The following GRID2 variants were observed in gnomAD, a reference collection of about 807,000 sequenced individuals.
The protein encoded by GRID2 is glutamate receptor ionotropic, delta-2.
A neutral mutation model predicts 114.8 loss-of-function variants in GRID2; 33 were observed. That is an observed-to-expected ratio of 0.29 (90% confidence interval 0.22 to 0.38). GRID2 has a LOEUF of 0.38. Among genes scored for constraint, GRID2 ranks in the 10% least tolerant of loss-of-function variants. The probability of loss-of-function intolerance (pLI) is 1.00; values close to 1 mark genes in which losing one functional copy is unlikely to be tolerated. For missense variants in GRID2, 1,184 were observed against 1,257.7 expected (o/e 0.94, Z 0.89); for synonymous variants, 505 against 449.9 (o/e 1.12, Z -1.55).
chr4:92,697,790 GAGAC>G (rs937487150), intron 2 of GRID2, among the ~76,000 whole-genome samples: 3 of 152,132 alleles, frequency 2.0e-5, no homozygotes, highest in Admixed American at 2.0e-4. Flanking sequence ...AGAGAAGTCA[GAGAC>G]AGGTTGGGTT....
chr4:93,018,618 C>A (rs1466190888), intron 2 of GRID2, among the ~76,000 whole-genome samples: 3 of 151,984 alleles, frequency 2.0e-5, no homozygotes, highest in African/African-American at 7.3e-5. Context: ...CAGGTCTTCA[C>A]AAAGAATACT....
intron 1 of GRID2, among the ~76,000 whole-genome samples, chr4:92,470,630 G>T (rs1579421563): frequency 6.6e-6 from 1 of 151,926 alleles, no homozygotes; most frequent in East Asian, 1.9e-4. Flanking sequence ...AATAAATAAA[G>T]TATTGCCTCA....
rs1302633363 is a variant in GRID2 at position 92,645,903 on chromosome 4, A to G, written c.244+55617A>G. The stretch of plus-strand genomic sequence containing the variant: ...GATTTTTTATTTTGGGCTCTTATGA[A>G]TAAGCTGCCGCAAATATCTTTAGAG... On this transcript the variant is annotated intron_variant, in intron 2 of 15. Coordinates refer to ENST00000282020, the MANE Select transcript of GRID2 (RefSeq NM_001510.4). 3.3e-5 allele frequency among the ~76,000 whole-genome samples: 5 copies of G among 151,792 alleles called. No individual in the cohort carries two copies. The East Asian group carries it at 9.7e-4, about 29-fold the overall frequency.
At chr4:92,700,131 G>A (rs988658845) in intron 2 of GRID2, among the ~76,000 whole-genome samples, 3 of 152,100 alleles carry the variant, frequency 2.0e-5, no homozygotes, top group Admixed American at 6.6e-5. Context: ...TCCACAAATC[G>A]AAACTCAGCT....
At chr4:92,710,151 T>G (rs1191037048) in intron 2 of GRID2, among the ~76,000 whole-genome samples, 2 of 152,204 alleles carry the variant, frequency 1.3e-5, no homozygotes, top group African/African-American at 4.8e-5. Context: ...GTTCTTTTCT[T>G]GATGCCATAC....
Position 92,740,741 on chromosome 4 carries a change from T to TAGAC in GRID2, c.244+150455_244+150456insAGAC, listed in dbSNP as rs1274693364. ...ATAGATAGATAGATAGATAGATAGA[T>TAGAC]GGATAGATAGATAGACAGATAGATA... On this transcript the variant is annotated intron_variant, in intron 2 of 15. Transcript: ENST00000282020. 3.3e-3 allele frequency among the ~76,000 whole-genome samples: 477 copies of TAGAC among 145,176 alleles called. 3 individuals carry two copies. Among genetic ancestry groups the TAGAC allele is most frequent in the Non-Finnish European group, 5.7e-3 (384 of 66,866 alleles).
chr4:93,591,820 C>G (rs1406824899), intron 13 of GRID2, among the ~76,000 whole-genome samples: 1 of 152,132 alleles, frequency 6.6e-6, no homozygotes. Flanking sequence ...TCCATTTCTT[C>G]TAGATTTTTT....
chr4:93,009,606 T>C (rs754554032), intron 2 of GRID2, among the ~76,000 whole-genome samples: 6 of 152,110 alleles, frequency 3.9e-5, no homozygotes, highest in Non-Finnish European at 8.8e-5. Flanking sequence ...TATTCTAACA[T>C]ATGTAGTTGA....
intron 1 of GRID2, among the ~76,000 whole-genome samples, chr4:92,466,122 A>G (rs549353919): frequency 2.0e-5 from 3 of 151,864 alleles, no homozygotes; most frequent in Non-Finnish European, 4.4e-5. Context: ...ATTACACTAT[A>G]TATAATGGAC....
intron 1 of GRID2, among the ~76,000 whole-genome samples, chr4:92,341,641 C>T (rs1280738115): frequency 2.0e-5 from 3 of 152,008 alleles, no homozygotes; most frequent in Non-Finnish European, 4.4e-5. Context: ...ATTTATGTGG[C>T]CCAGCGTGGT....
At chr4:93,357,335 AT>A (rs1458683314) in intron 8 of GRID2, among the ~76,000 whole-genome samples, 5 of 151,238 alleles carry the variant, frequency 3.3e-5, no homozygotes, top group Non-Finnish European at 5.9e-5. Flanking sequence ...TTTCTTATTA[AT>A]TCAAGAGGAC....
rs866534711 is a variant in GRID2 at position 93,617,022 on chromosome 4, A to C, written c.2194-9247A>C. On this transcript the variant is annotated intron_variant, in intron 13 of 15. Transcript: ENST00000282020. ...AAAAAAAAATTCATAAAAATCAAGA[A>C]GATGATTTGAAGCTCCATTTTTAAA... 5.9e-5 allele frequency among the ~76,000 whole-genome samples: 9 copies of C among 152,254 alleles called. No homozygotes were observed. In the South Asian group the frequency reaches 1.2e-3, roughly 21 times the overall value.
intron 2 of GRID2, among the ~76,000 whole-genome samples, chr4:92,979,268 A>T (rs1754045426): frequency 6.6e-6 from 1 of 152,028 alleles, no homozygotes; most frequent in Admixed American, 6.6e-5. Context: ...TACTAAAATT[A>T]ATTGCAACTT....
intron 13 of GRID2, among the ~76,000 whole-genome samples, chr4:93,616,348 C>T (rs939931400): frequency 7.3e-5 from 11 of 151,714 alleles, no homozygotes; most frequent in Admixed American, 5.3e-4. Context: ...GCTCGAGACC[C>T]GCCTGTCCAA....
intron 2 of GRID2, among the ~76,000 whole-genome samples, chr4:92,785,250 G>A (rs943078597): frequency 2.6e-5 from 4 of 151,034 alleles, no homozygotes; most frequent in Non-Finnish European, 4.4e-5. Flanking sequence ...AACTGAAGTA[G>A]CAATATTAAT....
At chr4:93,195,984 T>A (rs558049909) in intron 4 of GRID2, among the ~76,000 whole-genome samples, 1 of 152,270 alleles carries the variant, frequency 6.6e-6, no homozygotes, top group East Asian at 1.9e-4. Flanking sequence ...TGACATTTTG[T>A]TTGAGCAGTT....
At chr4:93,361,446 G>C (rs1761868181) in intron 8 of GRID2, among the ~76,000 whole-genome samples, 1 of 150,836 alleles carries the variant, frequency 6.6e-6, no homozygotes, top group Non-Finnish European at 1.5e-5. Flanking sequence ...CCCATCAAAG[G>C]CTCTTTTTAA....
At chr4:92,827,424 G>A (rs1741794114) in intron 2 of GRID2, among the ~76,000 whole-genome samples, 1 of 150,952 alleles carries the variant, frequency 6.6e-6, no homozygotes, top group Admixed American at 6.6e-5. Flanking sequence ...AAAAAAGGAG[G>A]GAGTCAATTT....
chr4:93,524,174 G>A (rs939677149), intron 13 of GRID2, among the ~76,000 whole-genome samples: 2 of 152,072 alleles, frequency 1.3e-5, no homozygotes, highest in African/African-American at 4.8e-5. Flanking sequence ...ATGGCTTGGG[G>A]TAAAACAAGA....
Sources: allele counts gnomAD v4.1 joint callset (sites outside exome capture counted in the v4.1 genomes callset), GRCh38; gene constraint gnomAD v4.1.1; transcripts MANE v1.5; gene names NCBI Gene and HGNC (gene_info 2026-07-23, HGNC 2026-07-21).